CEP85L: variants seen among roughly 807,000 people sequenced by gnomAD.
CEP85L encodes centrosomal protein 85L.
In CEP85L, 60 loss-of-function variants were observed where a neutral mutation model predicts 100.3. That is an observed-to-expected ratio of 0.60 (90% CI 0.49 to 0.74). CEP85L has a LOEUF of 0.74. CEP85L is among the 30% of genes least tolerant of loss of function. The pLI, the probability that CEP85L is intolerant of heterozygous loss-of-function variation, is 0.00. For synonymous variants in CEP85L, 319 were observed against 322.7 expected (o/e 0.99, Z 0.12); for missense variants, 973 against 936.2 (o/e 1.04, Z -0.51).
intron 5 of CEP85L, among the ~76,000 whole-genome samples, chr6:118,500,001 C>T (rs1775174632): frequency 6.6e-6 from 1 of 152,044 alleles, no homozygotes; most frequent in Non-Finnish European, 1.5e-5. Flanking sequence ...CAAAAAGAAT[C>T]CATACAAAAA....
At chr6:118,708,787 T>C (rs936447154) in intron 1 of CEP85L, among the ~76,000 whole-genome samples, 4 of 152,162 alleles carry the variant, frequency 2.6e-5, no homozygotes, top group Admixed American at 2.6e-4. Context: ...TCCCTCCCTT[T>C]TCCCTACCAT....
intron 3 of CEP85L, among the ~76,000 whole-genome samples, chr6:118,547,712 A>G (rs1005700363): frequency 1.3e-5 from 2 of 152,148 alleles, no homozygotes; most frequent in Admixed American, 6.5e-5. Context: ...TACATTTATT[A>G]GTTCTTTAAC....
chr6:118,587,070 G>C (rs1002862692), intron 2 of CEP85L, among the ~76,000 whole-genome samples: 1 of 152,166 alleles, frequency 6.6e-6, no homozygotes, highest in African/African-American at 2.4e-5. Flanking sequence ...TATCTGCCAT[G>C]GCCCATTTGT....
At chr6:118,656,105 A>G (rs1775779081), upstream of CEP85L, among the ~76,000 whole-genome samples, 1 of 152,250 alleles carries the variant, frequency 6.6e-6, no homozygotes, top group African/African-American at 2.4e-5. Context: ...ACTGGAAACC[A>G]TGTGACATTA....
At position 118,523,906 on chromosome 6, in the gene CEP85L, T is replaced by A. The variant is rs1277284401; in HGVS notation, c.1035A>T (p.Ser345=). The A allele has an allele frequency of 6.3e-7, 1 of 1,587,978 alleles. No homozygotes were observed. Among genetic ancestry groups the A allele is most frequent in the African/African-American group, 1.3e-5 (1 of 74,294 alleles). The change falls in exon 4 of 13, where the codon TCA becomes TCT. Residue 345 remains serine, a synonymous_variant. Coordinates refer to ENST00000368491, the MANE Select transcript of CEP85L (RefSeq NM_001042475.3). ...SETPMQVLTG[S]SRQSYSPGYQ... ...AGCCAGGTGAATAACTTTGACGAGA[T>A]GATCCAGTCAAAACCTGCAGAAACA...
intron 2 of CEP85L, among the ~76,000 whole-genome samples, chr6:118,572,298 G>A (rs1356951607): frequency 1.5e-5 from 2 of 134,908 alleles, no homozygotes; most frequent in African/African-American, 5.4e-5. Context: ...AAAAAAAGGT[G>A]TATTCCTAGC....
In CEP85L at chr6:118,465,432, G is replaced by C. The variant is rs1200257497; in HGVS notation, c.2391C>G (p.Asp797Glu). The change falls in exon 13 of 13, where the codon GAC becomes GAG. Residue 797 changes from aspartate to glutamate, a missense_variant. Around this residue, in one of 3 missense-constraint regions of CEP85L, gnomAD observed 890 missense variants for 844.5 expected, o/e 1.05. Coordinates refer to ENST00000368491, the MANE Select transcript of CEP85L (RefSeq NM_001042475.3). ...RTTISDRYAQ[D>E]MGDNCITQ ...ACTGAGTAATGCAGTTGTCTCCCATGTCCTGAGCATAGCGGTCTGATATTG... is the reference window on the plus strand; with the variant it reads ...ACTGAGTAATGCAGTTGTCTCCCATCTCCTGAGCATAGCGGTCTGATATTG... The C allele has an allele frequency of 1.9e-6, 3 of 1,613,354 alleles. No homozygotes were observed. Among genetic ancestry groups the C allele is most frequent in the East Asian group, 2.2e-5 (1 of 44,864 alleles).
At chr6:118,488,858 A>T (rs1056108338) in intron 6 of CEP85L, among the ~76,000 whole-genome samples, 6 of 152,246 alleles carry the variant, frequency 3.9e-5, no homozygotes, top group African/African-American at 1.4e-4. Context: ...CTATGAGCAG[A>T]TTTCTCAGAA....
At chr6:118,543,748 G>A (rs1778040007) in intron 3 of CEP85L, among the ~76,000 whole-genome samples, 1 of 152,210 alleles carries the variant, frequency 6.6e-6, no homozygotes, top group Non-Finnish European at 1.5e-5. Context: ...GGACAGATCA[G>A]GAACGATGTT....
intron 1 of CEP85L, among the ~76,000 whole-genome samples, chr6:118,671,575 T>A (rs925004761): frequency 2.6e-5 from 4 of 152,210 alleles, no homozygotes; most frequent in Non-Finnish European, 4.4e-5. Flanking sequence ...TTCTGAAATA[T>A]CTCCAGGTCA....
In CEP85L at chr6:118,600,300, GGTGTGTGTGTGTGTGT is replaced by G. The variant is rs59278037; in HGVS notation, c.232+32137_232+32152del. On this transcript the variant is annotated intron_variant, in intron 2 of 12. Coordinates refer to ENST00000368491, the MANE Select transcript of CEP85L (RefSeq NM_001042475.3). ...CTGCCTGTCCCTGAGCCTTCCTGGG[GGTGTGTGTGTGTGTGT>G]GTGTGTGTGTGTGTGTGTGTGTGTG... Among the ~76,000 whole-genome samples, 80 of 52,246 alleles carry G rather than the reference GGTGTGTGTGTGTGTGT, an allele frequency of 1.5e-3. 4 individuals are homozygous for G. The highest frequency in any genetic ancestry group is 2.3e-3 in the Non-Finnish European group (58 of 24,780). The allele number at this position is 52,246 out of a possible 152,430, so 34.3% of individuals were successfully genotyped here. A position where few individuals can be genotyped will look rare whatever the true frequency, so the allele number is the denominator to read the frequency against.
intron 1 of CEP85L, among the ~76,000 whole-genome samples, chr6:118,664,990 T>C (rs1410615373): frequency 1.3e-5 from 2 of 152,232 alleles, no homozygotes; most frequent in African/African-American, 4.8e-5. Flanking sequence ...AAGAAATCCT[T>C]TACCATCACA....
intron 3 of CEP85L, among the ~76,000 whole-genome samples, chr6:118,545,918 T>G (rs1778173027): frequency 6.6e-6 from 1 of 152,176 alleles, no homozygotes; most frequent in African/African-American, 2.4e-5. Context: ...TTAGGAAAGT[T>G]ATTTGTATAA....
chr6:118,482,672 A>C (rs1468548290), intron 7 of CEP85L, among the ~76,000 whole-genome samples: 1 of 152,160 alleles, frequency 6.6e-6, no homozygotes, highest in Admixed American at 6.5e-5. Flanking sequence ...TGGGTGTACA[A>C]ACATCTGTTC....
intron 5 of CEP85L, among the ~76,000 whole-genome samples, chr6:118,495,075 A>G (rs1774831854): frequency 6.6e-6 from 1 of 152,006 alleles, no homozygotes; most frequent in Admixed American, 6.6e-5. Context: ...TGAGGAAACA[A>G]TTCCTGAACT....
At chr6:118,475,773 C>T (rs1405141060) in intron 10 of CEP85L, among the ~76,000 whole-genome samples, 1 of 152,014 alleles carries the variant, frequency 6.6e-6, no homozygotes. Flanking sequence ...TTGATGACAC[C>T]TAAGTATCTC....
intron 1 of CEP85L, among the ~76,000 whole-genome samples, chr6:118,660,667 T>A (rs928609955): frequency 1.3e-5 from 2 of 152,256 alleles, no homozygotes; most frequent in African/African-American, 4.8e-5. Context: ...TGCCTGATCC[T>A]GTGTCCACAA....
intron 2 of CEP85L, among the ~76,000 whole-genome samples, chr6:118,567,724 T>C (rs535759006): frequency 6.6e-5 from 10 of 152,250 alleles, no homozygotes; most frequent in African/African-American, 2.2e-4. Context: ...CATTGTCTTA[T>C]GGAAAAAGTT....
chr6:118,558,780 G>T lies in CEP85L; in HGVS notation c.1020+6749C>A. On this transcript the variant is annotated intron_variant, in intron 3 of 12. Transcript: ENST00000368491. ...AATTGTATTTTTTGTTCTGAGGATA[G>T]GTTACATAGATGATTCTAATCCATT... 7.1e-6 allele frequency: 5 copies of T among 703,680 alleles called. No individual in the cohort carries two copies. In the South Asian group the frequency reaches 7.6e-5, roughly 11 times the overall value. The allele number at this position is 703,680 out of a possible 1,614,324, so 43.6% of individuals were successfully genotyped here. A position where few individuals can be genotyped will look rare whatever the true frequency, so the allele number is the denominator to read the frequency against.
Sources: gnomAD v4.1 joint callset for allele counts (sites outside exome capture counted in the v4.1 genomes callset) on GRCh38, gnomAD v4.1.1 for gene constraint, gnomAD v4.1.1 regional missense constraint, MANE v1.5 for transcripts, NCBI Gene and HGNC (gene_info 2026-07-23, HGNC 2026-07-21) for gene names.